CHCHD3: variants seen among roughly 807,000 people sequenced by gnomAD.
CHCHD3 encodes the protein MICOS complex subunit MIC19.
A neutral mutation model predicts 38.2 loss-of-function variants in CHCHD3; 20 were observed. The ratio of observed to expected loss-of-function variants is 0.52; its 90% CI spans 0.37 to 0.76. CHCHD3 has a LOEUF of 0.76. CHCHD3 is among the 30% of genes least tolerant of loss of function. CHCHD3 has a pLI of 0.00. For missense variants in CHCHD3, 245 were observed against 279.2 expected, an observed-to-expected ratio of 0.88 and a Z score of 0.87; for synonymous variants, 82 against 100.0, an observed-to-expected ratio of 0.82 and a Z score of 1.07.
At chr7:133,047,196 T>A (rs1317699050) in intron 2 of CHCHD3, among the ~76,000 whole-genome samples, 2 of 152,230 alleles carry the variant, frequency 1.3e-5, no homozygotes, top group South Asian at 2.1e-4. Context: ...TCTTTTTTTT[T>A]AAAGAATTTA....
chr7:132,828,642 A>G (rs973803114), intron 6 of CHCHD3, among the ~76,000 whole-genome samples: 3 of 152,184 alleles, frequency 2.0e-5, no homozygotes, highest in South Asian at 2.1e-4. Flanking sequence ...GTATCCTGAA[A>G]GTTCTGGTTT....
chr7:133,067,135 A>C (rs1007099718), intron 2 of CHCHD3, among the ~76,000 whole-genome samples: 1 of 152,230 alleles, frequency 6.6e-6, no homozygotes, highest in Non-Finnish European at 1.5e-5. Context: ...ATAGGGTTAT[A>C]AGGATGAAAT....
At chr7:132,968,553 G>T (rs1470811440) in intron 4 of CHCHD3, among the ~76,000 whole-genome samples, 2 of 152,056 alleles carry the variant, frequency 1.3e-5, no homozygotes, top group Non-Finnish European at 2.9e-5. Flanking sequence ...TAGTGTCTAG[G>T]GCAAGAAAAC....
chr7:132,844,939 C>G (rs1808037692), intron 5 of CHCHD3: 1 of 152,228 alleles, frequency 6.6e-6, no homozygotes, highest in African/African-American at 2.4e-5. Flanking sequence ...GGATCAATTA[C>G]TGAAAACATG....
intron 6 of CHCHD3, among the ~76,000 whole-genome samples, chr7:132,804,908 G>C (rs1019295970): frequency 6.6e-6 from 1 of 152,188 alleles, no homozygotes; most frequent in African/African-American, 2.4e-5. Flanking sequence ...GCAGCAGTGG[G>C]AGGAGGGGTA....
At chr7:132,942,632 T>C (rs902874406) in intron 4 of CHCHD3, among the ~76,000 whole-genome samples, 1 of 152,128 alleles carries the variant, frequency 6.6e-6, no homozygotes, top group Non-Finnish European at 1.5e-5. Context: ...AAGATATCCA[T>C]AAGAAATACA....
intron 4 of CHCHD3, among the ~76,000 whole-genome samples, chr7:132,925,383 A>G (rs1810349708): frequency 6.6e-6 from 1 of 152,242 alleles, no homozygotes; most frequent in East Asian, 1.9e-4. Flanking sequence ...ATTTATTTCA[A>G]AATGACAGAA....
intron 4 of CHCHD3, among the ~76,000 whole-genome samples, chr7:132,959,940 G>A (rs1203952650): frequency 2.0e-5 from 3 of 152,034 alleles, no homozygotes; most frequent in African/African-American, 7.2e-5. Flanking sequence ...AAGAGAACAA[G>A]CCAAGACAAG....
intron 4 of CHCHD3, chr7:132,973,070 AGT>A: frequency 1.0e-6 from 1 of 985,204 alleles, no homozygotes; most frequent in Non-Finnish European, 1.2e-6. Flanking sequence ...TGTCTTGCTG[AGT>A]GTGTGTATAT....
intron 4 of CHCHD3, among the ~76,000 whole-genome samples, chr7:132,887,544 A>T (rs1205190656): frequency 6.6e-6 from 1 of 151,794 alleles, no homozygotes; most frequent in African/African-American, 2.4e-5. Flanking sequence ...AAATCCCAAC[A>T]TGTAACTGGG....
intron 6 of CHCHD3, among the ~76,000 whole-genome samples, chr7:132,825,009 A>T (rs1409556937): frequency 6.6e-6 from 1 of 152,174 alleles, no homozygotes; most frequent in Non-Finnish European, 1.5e-5. Flanking sequence ...AGATACTCAA[A>T]ATTTTTCACG....
At chr7:132,995,066 G>A (rs774557145) in intron 3 of CHCHD3, among the ~76,000 whole-genome samples, 5 of 152,050 alleles carry the variant, frequency 3.3e-5, no homozygotes, top group African/African-American at 4.8e-5. Context: ...TGATTTTAAA[G>A]CCACACTAAG....
intron 4 of CHCHD3, among the ~76,000 whole-genome samples, chr7:132,891,315 C>T (rs1242649818): frequency 6.6e-6 from 1 of 152,134 alleles, no homozygotes; most frequent in Non-Finnish European, 1.5e-5. Context: ...TAAATGATGT[C>T]CAACCTATTA....
intron 5 of CHCHD3, among the ~76,000 whole-genome samples, chr7:132,855,216 C>T (rs976219535): frequency 6.6e-6 from 1 of 152,184 alleles, no homozygotes; most frequent in African/African-American, 2.4e-5. Context: ...AGATGGTACC[C>T]TACAGAGTAC....
chr7:132,827,516 G>C (rs1243154829), intron 6 of CHCHD3, among the ~76,000 whole-genome samples: 3 of 152,168 alleles, frequency 2.0e-5, no homozygotes, highest in African/African-American at 7.2e-5. Flanking sequence ...CATGCAAAAA[G>C]TTTCCAATCT....
chr7:132,898,658 T>G (rs1433840335), intron 4 of CHCHD3, among the ~76,000 whole-genome samples: 1 of 152,120 alleles, frequency 6.6e-6, no homozygotes, highest in Admixed American at 6.5e-5. Context: ...GAGCAGGGGG[T>G]GGCGCTCGTC....
chr7:132,943,596 C>T (rs989321637), intron 4 of CHCHD3, among the ~76,000 whole-genome samples: 11 of 151,738 alleles, frequency 7.2e-5, no homozygotes, highest in African/African-American at 2.7e-4. Context: ...AAATTGAAAA[C>T]AAAAGTACAA....
At chr7:132,793,193 G>C (rs1369557671) in intron 7 of CHCHD3, among the ~76,000 whole-genome samples, 1 of 152,138 alleles carries the variant, frequency 6.6e-6, no homozygotes, top group Admixed American at 6.5e-5. Flanking sequence ...GACCTATTTG[G>C]TACAAGCAGC....
chr7:132,950,813 C>T (rs1341600021), intron 4 of CHCHD3, among the ~76,000 whole-genome samples: 4 of 152,108 alleles, frequency 2.6e-5, no homozygotes, highest in African/African-American at 9.7e-5. Context: ...GGAATGAAAA[C>T]CATTTGTCTA....
Sources: gnomAD v4.1 joint callset for allele counts (sites outside exome capture counted in the v4.1 genomes callset) on GRCh38, gnomAD v4.1.1 for gene constraint, MANE v1.5 for transcripts, NCBI Gene and HGNC (gene_info 2026-07-23, HGNC 2026-07-21) for gene names.